ANKRD55: variants seen among roughly 807,000 people sequenced by gnomAD.
ANKRD55 encodes the protein ankyrin repeat domain 55.
ANKRD55 carries 41 observed loss-of-function variants against 60.6 expected under a neutral mutation model. The observed-to-expected ratio is 0.68, with a 90% CI of 0.53 to 0.88. The LOEUF is 0.88. ANKRD55 is among the 40% of genes least tolerant of loss of function. The probability of loss-of-function intolerance (pLI) is 0.00; values close to 1 mark genes in which losing one functional copy is unlikely to be tolerated. For synonymous variants in ANKRD55, 264 were observed against 290.3 expected (o/e 0.91, Z 0.92); for missense variants, 732 against 767.6 (o/e 0.95, Z 0.55).
chr5:56,186,939 C>G (rs1758987484), intron 2 of ANKRD55, among the ~76,000 whole-genome samples: 1 of 152,132 alleles, frequency 6.6e-6, no homozygotes, highest in African/African-American at 2.4e-5. Flanking sequence ...TGTTTAACAG[C>G]CTGTTCATAT....
At chr5:56,206,870 C>G (rs1200871389) in intron 2 of ANKRD55, among the ~76,000 whole-genome samples, 2 of 152,184 alleles carry the variant, frequency 1.3e-5, no homozygotes, top group Non-Finnish European at 2.9e-5. Context: ...GAGGTGGGTA[C>G]AGCTCTCAGG....
chr5:56,116,930 A>T (rs1200869331), intron 8 of ANKRD55, 148 bp from the exon 9 acceptor site: 2 of 791,344 alleles, frequency 2.5e-6, no homozygotes, highest in Admixed American at 6.8e-5. Flanking sequence ...GTGTTAAATG[A>T]GCCCGAAGGA....
At chr5:56,142,510 G>A (rs887763489) in intron 7 of ANKRD55, among the ~76,000 whole-genome samples, 1 of 152,234 alleles carries the variant, frequency 6.6e-6, no homozygotes, top group African/African-American at 2.4e-5. Flanking sequence ...GGGGACGCAT[G>A]TCAGTCAGAA....
intron 2 of ANKRD55, chr5:56,192,481 C>T (rs1227833118): frequency 4.2e-6 from 1 of 237,168 alleles, no homozygotes; most frequent in Non-Finnish European, 8.4e-6. Context: ...CCCATGTCGT[C>T]GCCCTCTCTG....
At chr5:56,152,010 TG>T (rs1230454777) in intron 6 of ANKRD55, among the ~76,000 whole-genome samples, 9 of 147,630 alleles carry the variant, frequency 6.1e-5, no homozygotes, top group African/African-American at 2.2e-4. Flanking sequence ...AACTAGAAAC[TG>T]GGGATACAAA....
intron 2 of ANKRD55, among the ~76,000 whole-genome samples, chr5:56,224,744 A>G (rs537701279): frequency 6.6e-6 from 1 of 152,342 alleles, no homozygotes; most frequent in African/African-American, 2.4e-5. Flanking sequence ...AGAAATGGAT[A>G]AATTCCTGGA....
intron 2 of ANKRD55, among the ~76,000 whole-genome samples, chr5:56,225,204 A>G (rs1760077971): frequency 6.6e-6 from 1 of 152,208 alleles, no homozygotes; most frequent in African/African-American, 2.4e-5. Context: ...AACGTAATCC[A>G]TCATATAAAC....
chr5:56,210,414 T>C (rs1337100012), intron 2 of ANKRD55, among the ~76,000 whole-genome samples: 1 of 151,510 alleles, frequency 6.6e-6, no homozygotes, highest in Non-Finnish European at 1.5e-5. Context: ...TACAAAAAAT[T>C]AGCCGGGTGC....
rs117810946 is a variant in ANKRD55 at position 56,183,949 on chromosome 5, C to A, written c.59-315G>T. Reference sequence around the variant, plus strand: ...CAGAGAGGAAAGTGGGAAGTGGGGCCCTCATCTTGGTTCTGCATTGCCCTT... The same window carrying A: ...CAGAGAGGAAAGTGGGAAGTGGGGCACTCATCTTGGTTCTGCATTGCCCTT... On this transcript the variant is annotated intron_variant, in intron 2 of 11. Transcript: ENST00000341048. Among the ~76,000 whole-genome samples the A allele has an allele frequency of 6.2e-4, 94 of 152,282 alleles. 1 individual carries two copies. The East Asian group carries it at 0.017, about 28-fold the overall frequency.
intron 2 of ANKRD55, among the ~76,000 whole-genome samples, chr5:56,221,233 T>C (rs546895991): frequency 6.6e-6 from 1 of 152,330 alleles, no homozygotes; most frequent in African/African-American, 2.4e-5. Flanking sequence ...AAAATTTGCT[T>C]ATTCTTCCTT....
At chr5:56,140,632 T>C (rs1490774513) in intron 7 of ANKRD55, among the ~76,000 whole-genome samples, 2 of 152,224 alleles carry the variant, frequency 1.3e-5, no homozygotes, top group African/African-American at 2.4e-5. Flanking sequence ...ATTATGCTTA[T>C]ACAATCATGG....
Position 56,100,170 on chromosome 5 carries a change from G to C in ANKRD55, c.*13C>G. ...ACATATTCATCTACATTTCTGCAGC[G>C]AGTGGCCCACAGTTAATTTTCATCA... On this transcript the variant is annotated 3_prime_UTR_variant, in exon 12 of 12. Transcript: ENST00000341048. 1 of 1,614,098 alleles carries C rather than the reference G, an allele frequency of 6.2e-7. No individual in the cohort carries two copies. The highest frequency in any genetic ancestry group is 1.3e-5 in the African/African-American group (1 of 75,044).
chr5:56,138,373 G>A (rs530973308), intron 7 of ANKRD55, among the ~76,000 whole-genome samples: 18 of 152,126 alleles, frequency 1.2e-4, no homozygotes, highest in African/African-American at 4.1e-4. Flanking sequence ...TGATCCGCCC[G>A]CCTTGGCCTC....
intron 7 of ANKRD55, among the ~76,000 whole-genome samples, chr5:56,131,661 T>G (rs1757416422): frequency 6.6e-6 from 1 of 151,042 alleles, no homozygotes; most frequent in South Asian, 2.1e-4. Flanking sequence ...CCGGGTGTGG[T>G]GGTGCGTGCC....
At chr5:56,185,405 G>A (rs1310677719) in intron 2 of ANKRD55, among the ~76,000 whole-genome samples, 2 of 152,066 alleles carry the variant, frequency 1.3e-5, no homozygotes, top group Non-Finnish European at 1.5e-5. Context: ...GGTGGCTCAC[G>A]CCTGTAATCG....
chr5:56,230,192 T>C (rs776374581), intron 2 of ANKRD55, among the ~76,000 whole-genome samples: 1 of 152,026 alleles, frequency 6.6e-6, no homozygotes, highest in Admixed American at 6.6e-5. Context: ...ACCTCCCAGG[T>C]TCAAGCGATT....
chr5:56,171,020 C>T (rs1002208419), intron 4 of ANKRD55, among the ~76,000 whole-genome samples: 20 of 152,190 alleles, frequency 1.3e-4, no homozygotes, highest in Admixed American at 6.5e-5. Flanking sequence ...GGACCTTTCC[C>T]CTTTAGATGC....
chr5:56,120,611 G>A (rs1757015501), intron 8 of ANKRD55, among the ~76,000 whole-genome samples: 2 of 152,144 alleles, frequency 1.3e-5, no homozygotes, highest in Admixed American at 6.5e-5. Context: ...AATGGACGAG[G>A]TGGGACAGCT....
intron 10 of ANKRD55, among the ~76,000 whole-genome samples, chr5:56,104,440 C>G (rs1344337761): frequency 1.3e-5 from 2 of 152,118 alleles, no homozygotes; most frequent in African/African-American, 4.8e-5. Flanking sequence ...ACAGCAGTGA[C>G]TCGGAGATGA....
Sources: gnomAD v4.1 joint callset for allele counts (sites outside exome capture counted in the v4.1 genomes callset) on GRCh38, gnomAD v4.1.1 for gene constraint, MANE v1.5 for transcripts, NCBI Gene and HGNC (gene_info 2026-07-23, HGNC 2026-07-21) for gene names.